The following RBPJ variants were observed in gnomAD, a reference collection of about 807,000 sequenced individuals.
RBPJ encodes recombining binding protein suppressor of hairless.
RBPJ carries 9 observed loss-of-function variants against 67.8 expected under a neutral mutation model. That is an observed-to-expected ratio of 0.13 (90% CI 0.08 to 0.23). RBPJ has a LOEUF of 0.23. Among genes scored for constraint, RBPJ ranks in the 10% least tolerant of loss-of-function variants. The pLI is 1.00. For synonymous variants in RBPJ, 198 were observed against 203.3 expected (o/e 0.97, Z 0.22); for missense variants, 305 against 595.6 (o/e 0.51, Z 5.08).
chr4:26,366,822 A>T (rs1471037444), intron 1 of RBPJ, among the ~76,000 whole-genome samples: 2 of 152,120 alleles, frequency 1.3e-5, no homozygotes, highest in South Asian at 4.1e-4. Context: ...AGACTCATGC[A>T]GTTTAAAAAA....
At chr4:26,337,128 A>ATT (rs59549393) in intron 1 of RBPJ, among the ~76,000 whole-genome samples, 32 of 134,768 alleles carry the variant, frequency 2.4e-4, no homozygotes, top group African/African-American at 7.6e-4. Context: ...TGCCCAGCTA[A>ATT]TTTTTTTTTT....
At chr4:26,166,803 C>T (rs1213020975) in intron 1 of RBPJ, among the ~76,000 whole-genome samples, 2 of 152,112 alleles carry the variant, frequency 1.3e-5, no homozygotes, top group African/African-American at 2.4e-5. Context: ...TGCCTATGTC[C>T]TGAATGGTAA....
At chr4:26,411,037 G>T (rs1343760769) in intron 3 of RBPJ, among the ~76,000 whole-genome samples, 2 of 152,186 alleles carry the variant, frequency 1.3e-5, no homozygotes, top group Non-Finnish European at 2.9e-5. Flanking sequence ...TTTTCACTGA[G>T]TGTTTGATAC....
chr4:26,203,334 A>G (rs1718056140), intron 1 of RBPJ, among the ~76,000 whole-genome samples: 3 of 152,246 alleles, frequency 2.0e-5, no homozygotes, highest in Admixed American at 6.5e-5. Context: ...ACATGCCCAC[A>G]TGGCTCATTT....
chr4:26,275,127 G>T (rs1721035860), intron 1 of RBPJ, among the ~76,000 whole-genome samples: 1 of 152,130 alleles, frequency 6.6e-6, no homozygotes, highest in Non-Finnish European at 1.5e-5. Context: ...CATAAATGAA[G>T]CAACTGAGGC....
upstream of RBPJ, chr4:26,320,576 G>C (rs983715212): frequency 8.6e-6 from 5 of 584,240 alleles, no homozygotes; most frequent in Non-Finnish European, 1.4e-5. Context: ...CATTGAGGAG[G>C]TGTTTCATCT....
At chr4:26,344,717 A>G (rs1387214875) in intron 1 of RBPJ, among the ~76,000 whole-genome samples, 1 of 152,178 alleles carries the variant, frequency 6.6e-6, no homozygotes, top group Non-Finnish European at 1.5e-5. Context: ...AATAGCAACA[A>G]TGGAAACAAA....
rs1252312747 is a variant in RBPJ at position 26,215,236 on chromosome 4, AAAGAAAGAAAGT to A, written c.-167+51634_-167+51645del. On this transcript the variant is annotated intron_variant, in intron 1 of 4. Transcript: ENST00000512351. Reference sequence around the variant, plus strand: ...AAAGAGAAAAAGAGAGAAAAGAGAGAAAGAAAGAAAGTAAGAAAGAAAGGAAGGGAGGGAGGA... The same window carrying A: ...AAAGAGAAAAAGAGAGAAAAGAGAGAAAGAAAGAAAGGAAGGGAGGGAGGA... Among the ~76,000 whole-genome samples the A allele has an allele frequency of 2.6e-4, 10 of 38,764 alleles. No homozygotes were observed. The Admixed American group carries it at 2.9e-3, about 11-fold the overall frequency. 25.4% of individuals were successfully genotyped at this position (38,764 alleles called of 152,430 possible).
chr4:26,427,272 G>A (rs1479801367), intron 7 of RBPJ, among the ~76,000 whole-genome samples: 2 of 152,116 alleles, frequency 1.3e-5, no homozygotes, highest in Non-Finnish European at 2.9e-5. Context: ...GAATGCTAGT[G>A]CCATTTATTG....
Position 26,386,413 on chromosome 4 carries a change from T to G in RBPJ, c.59+22T>G, listed in dbSNP as rs749502784. On this transcript the variant is annotated intron_variant, in intron 2 of 10. Transcript: ENST00000355476. ...CTAGGTGAGTATTATATTAGTCAGC[T>G]TTTTACACATACATTTTATGAAAGT... The G allele has an allele frequency of 4.0e-6, 6 of 1,513,924 alleles. No homozygotes were observed. In the Admixed American group the frequency reaches 1.1e-4, roughly 28 times the overall value. The allele number at this position is 1,513,924 out of a possible 1,614,324, so 93.8% of individuals were successfully genotyped here.
chr4:26,420,724 C>CTGTA lies in RBPJ; in HGVS notation c.496+6_496+9dup. 1 of 1,607,234 alleles carries CTGTA rather than the reference C, an allele frequency of 6.2e-7. No individual in the cohort carries two copies. On this transcript the variant is annotated frameshift_variant and splice_region_variant, in exon 5 of 11. Transcript: ENST00000355476. LOFTEE classifies it high-confidence loss of function. ...AGAAGCAGTCATTGAAAAATGCTGA[C>CTGTA]TGTATGTATGCTTTTCTTATTTATC...
rs1490736842 is a variant in RBPJ, at chr4:26,424,321, A to G, written c.497-21A>G. On this transcript the variant is annotated intron_variant, in intron 5 of 10. Transcript: ENST00000355476. The surrounding 1 kb of genome is among the most constrained non-coding windows in gnomAD (Gnocchi z 5.3). ...ACCTTCTGCTCCAATCACATAAATA[A>G]GAGCTGTTTTTTCTTTGCAGTATGC... 6.2e-7 allele frequency: 1 copy of G among 1,611,228 alleles called. No homozygotes were observed. The highest frequency in any genetic ancestry group is 1.3e-5 in the African/African-American group (1 of 74,870).
chr4:26,329,604 T>G lies in RBPJ; in HGVS notation c.20+8556T>G, dbSNP rs140204753. 8.3e-4 allele frequency among the ~76,000 whole-genome samples: 126 copies of G among 152,222 alleles called. 1 individual carries two copies. Among genetic ancestry groups the G allele is most frequent in the African/African-American group, 3.0e-3 (124 of 41,542 alleles). Reference sequence around the variant, plus strand: ...GGATTAATAAGAGATAGAAAATGCCTACTGGGCCGGCTGGGCGCGGTGGCT... The same window carrying G: ...GGATTAATAAGAGATAGAAAATGCCGACTGGGCCGGCTGGGCGCGGTGGCT... On this transcript the variant is annotated intron_variant, in intron 1 of 10. Transcript: ENST00000355476.
intron 1 of RBPJ, chr4:26,322,230 A>G (rs1325123102): frequency 2.0e-5 from 3 of 152,122 alleles, no homozygotes; most frequent in Non-Finnish European, 4.4e-5. Flanking sequence ...CTCAAGATGT[A>G]TATATGTGTT....
intron 2 of RBPJ, among the ~76,000 whole-genome samples, chr4:26,404,789 A>G (rs962510600): frequency 1.3e-5 from 2 of 152,116 alleles, no homozygotes; most frequent in African/African-American, 4.8e-5. Context: ...CTTTATTCAC[A>G]CTATTATCAG....
upstream of RBPJ, chr4:26,320,940 G>A (rs963857444): frequency 2.5e-5 from 39 of 1,575,752 alleles, no homozygotes; most frequent in Non-Finnish European, 3.4e-5. Context: ...GAGGAGTGAG[G>A]AAAAAGGGAA....
chr4:26,198,286 A>G (rs1458976410), intron 1 of RBPJ, among the ~76,000 whole-genome samples: 2 of 117,582 alleles, frequency 1.7e-5, no homozygotes, highest in African/African-American at 3.4e-5. Context: ...ACAAAAAAAC[A>G]AAAAATACTA....
chr4:26,274,923 C>T (rs895583664), intron 1 of RBPJ, among the ~76,000 whole-genome samples: 1 of 150,784 alleles, frequency 6.6e-6, no homozygotes, highest in Admixed American at 6.6e-5. Flanking sequence ...GGTGACAGAG[C>T]GAGACACCGT....
the RBPJ span, among the ~76,000 whole-genome samples, chr4:26,118,019 T>C: frequency 1.3e-5 from 2 of 152,186 alleles, no homozygotes; most frequent in African/African-American, 4.8e-5. Flanking sequence ...TCTCCATATA[T>C]ATCTGTGAAA....
Sources: allele counts gnomAD v4.1 joint callset (sites outside exome capture counted in the v4.1 genomes callset), GRCh38; gene constraint gnomAD v4.1.1; non-coding constraint Gnocchi (gnomAD v3.1); transcripts MANE v1.5; gene names NCBI Gene and HGNC (gene_info 2026-07-23, HGNC 2026-07-21).